The following CYTH3 variants were observed in gnomAD, a reference collection of about 807,000 sequenced individuals.
CYTH3 encodes cytohesin-3.
In CYTH3, 23 loss-of-function variants were observed where a neutral mutation model predicts 55.1. The observed-to-expected ratio is 0.42, with a 90% confidence interval of 0.30 to 0.59. CYTH3 has a LOEUF of 0.59. Among genes scored for constraint, CYTH3 ranks in the 20% least tolerant of loss-of-function variants. CYTH3 has a pLI of 0.20. For synonymous variants in CYTH3, 249 were observed against 194.9 expected, an observed-to-expected ratio of 1.28 and a Z score of -2.31; for missense variants, 413 against 524.8, an observed-to-expected ratio of 0.79 and a Z score of 2.08.
At chr7:6,220,473 A>G (rs893024087) in intron 1 of CYTH3, among the ~76,000 whole-genome samples, 4 of 151,990 alleles carry the variant, frequency 2.6e-5, no homozygotes, top group Non-Finnish European at 4.4e-5. Context: ...AAAGAAAAAA[A>G]TAATAAATTG....
intron 1 of CYTH3, among the ~76,000 whole-genome samples, chr7:6,196,747 C>T (rs1444512574): frequency 6.6e-6 from 1 of 152,156 alleles, no homozygotes; most frequent in Non-Finnish European, 1.5e-5. Context: ...AGGCGTGAGC[C>T]ACCGCGCCCA....
chr7:6,255,787 G>A (rs1321581181), intron 1 of CYTH3, among the ~76,000 whole-genome samples: 2 of 108,226 alleles, frequency 1.8e-5, no homozygotes. Flanking sequence ...TTTTTGAGAT[G>A]GAATCTCCCT....
chr7:6,174,572 G>GGC (rs1783291317), intron 5 of CYTH3, among the ~76,000 whole-genome samples: 1 of 110,974 alleles, frequency 9.0e-6, no homozygotes, highest in Non-Finnish European at 1.7e-5. Context: ...TTTCCAGACA[G>GGC]AGTCTCGCTC....
At chr7:6,166,656 G>A (rs1272148753) in intron 9 of CYTH3, among the ~76,000 whole-genome samples, 1 of 152,168 alleles carries the variant, frequency 6.6e-6, no homozygotes, top group Non-Finnish European at 1.5e-5. Context: ...TCCCTGTTGG[G>A]GCCTGGTTTG....
chr7:6,190,431 T>G lies in CYTH3; in HGVS notation c.117+18A>C, dbSNP rs552367709. The G allele has an allele frequency of 2.7e-5, 29 of 1,079,574 alleles. No individual in the cohort carries two copies. The highest frequency in any genetic ancestry group is 5.0e-4 in the Middle Eastern group (2 of 4,024). 66.9% of individuals were successfully genotyped at this position (1,079,574 alleles called of 1,614,324 possible). On this transcript the variant is annotated intron_variant, in intron 2 of 12. Transcript: ENST00000350796. Reference sequence around the variant, plus strand: ...AAAACAGAGTTTTGGATTTTTGGTTTTTTTTTTTTTTTTTTACCTCAATGT... The same window carrying G: ...AAAACAGAGTTTTGGATTTTTGGTTGTTTTTTTTTTTTTTTACCTCAATGT...
intron 1 of CYTH3, among the ~76,000 whole-genome samples, chr7:6,217,125 C>G (rs1235026028): frequency 1.3e-5 from 2 of 152,168 alleles, no homozygotes; most frequent in Non-Finnish European, 2.9e-5. Flanking sequence ...GTTGGCCAGG[C>G]TGGTCTCGAA....
chr7:6,272,137 C>A (rs1293632470), intron 1 of CYTH3, among the ~76,000 whole-genome samples: 1 of 152,174 alleles, frequency 6.6e-6, no homozygotes, highest in Non-Finnish European at 1.5e-5. Flanking sequence ...CGACAAGATG[C>A]GGGGAAGGTC....
chr7:6,191,080 A>G (rs891660604), intron 1 of CYTH3, among the ~76,000 whole-genome samples: 22 of 144,234 alleles, frequency 1.5e-4, no homozygotes, highest in Non-Finnish European at 2.8e-4. Context: ...CTGTTTCGGG[A>G]AAAAAAAAAA....
intron 1 of CYTH3, among the ~76,000 whole-genome samples, chr7:6,250,029 T>A (rs1779921671): frequency 6.6e-6 from 1 of 152,168 alleles, no homozygotes; most frequent in African/African-American, 2.4e-5. Context: ...CCCATCCCAG[T>A]CTCTTCCCTG....
chr7:6,266,755 C>T (rs891454428), intron 1 of CYTH3, among the ~76,000 whole-genome samples: 1 of 152,234 alleles, frequency 6.6e-6, no homozygotes, highest in Admixed American at 6.5e-5. Context: ...CTTCCTCAAC[C>T]TCTTGTTGAT....
At chr7:6,233,216 A>C (rs1475250891) in intron 1 of CYTH3, among the ~76,000 whole-genome samples, 1 of 152,130 alleles carries the variant, frequency 6.6e-6, no homozygotes, top group Non-Finnish European at 1.5e-5. Flanking sequence ...CTCCAATAGG[A>C]CTGCAGATAT....
At chr7:6,261,200 A>G (rs886135262) in intron 1 of CYTH3, among the ~76,000 whole-genome samples, 3 of 152,142 alleles carry the variant, frequency 2.0e-5, no homozygotes, top group African/African-American at 7.2e-5. Flanking sequence ...TCACAGCAGA[A>G]GCTGGGAAGC....
At chr7:6,216,766 CACACAT>C (rs1486321948) in intron 1 of CYTH3, among the ~76,000 whole-genome samples, 1 of 148,228 alleles carries the variant, frequency 6.7e-6, no homozygotes, top group Non-Finnish European at 1.5e-5. Context: ...TGTGTATATA[CACACAT>C]ACACATACAT....
chr7:6,259,756 ATT>A (rs1491347185), intron 1 of CYTH3, among the ~76,000 whole-genome samples: 153 of 12,196 alleles, frequency 0.013, 7 homozygotes, highest in African/African-American at 0.038. Context: ...ATATATATAT[ATT>A]ATATATATAT....
rs578070250 is a variant in CYTH3, at chr7:6,240,884, G to A, written c.34+31590C>T. ...TAATCCCAGCACTTTGGAAGGCCAA[G>A]GCGGGTGGATCACGAGGTCAGAAGT... On this transcript the variant is annotated intron_variant, in intron 1 of 12. Transcript: ENST00000350796. Among the ~76,000 whole-genome samples, 6 of 152,224 alleles carry A rather than the reference G, an allele frequency of 3.9e-5. No individual in the cohort carries two copies. In the East Asian group the frequency reaches 9.7e-4, roughly 25 times the overall value.
chr7:6,175,545 C>A (rs897484618), intron 5 of CYTH3, among the ~76,000 whole-genome samples: 3 of 89,014 alleles, frequency 3.4e-5, no homozygotes, highest in Admixed American at 1.4e-4. Flanking sequence ...ACACTTTAGT[C>A]TTTTTTTTTT....
chr7:6,187,204 CAA>C (rs2128543187), intron 3 of CYTH3, 88 bp from the exon 4 acceptor site: 1 of 1,410,572 alleles, frequency 7.1e-7, no homozygotes, highest in Admixed American at 1.7e-5. Flanking sequence ...TCCCCCGCAA[CAA>C]CGGGCTCAAG....
intron 1 of CYTH3, among the ~76,000 whole-genome samples, chr7:6,253,545 C>T (rs902319419): frequency 5.9e-5 from 9 of 151,954 alleles, no homozygotes; most frequent in Non-Finnish European, 1.0e-4. Context: ...CAGCCGGGCA[C>T]GGTGGCTCAC....
intron 1 of CYTH3, among the ~76,000 whole-genome samples, chr7:6,244,062 A>C (rs1029021332): frequency 2.0e-5 from 3 of 152,254 alleles, no homozygotes; most frequent in Non-Finnish European, 4.4e-5. Context: ...GTACTAAAAT[A>C]GTAAGTAAGC....
Sources: allele counts gnomAD v4.1 joint callset (sites outside exome capture counted in the v4.1 genomes callset), GRCh38; gene constraint gnomAD v4.1.1; transcripts MANE v1.5; gene names NCBI Gene and HGNC (gene_info 2026-07-23, HGNC 2026-07-21).